The following SPHKAP variants were observed in gnomAD, a reference collection of about 807,000 sequenced individuals.
The protein encoded by SPHKAP is A-kinase anchor protein SPHKAP.
In SPHKAP, 67 loss-of-function variants were observed where a neutral mutation model predicts 137.5. The observed-to-expected ratio is 0.49, with a 90% CI of 0.40 to 0.60. The LOEUF is 0.60. Among genes scored for constraint, SPHKAP ranks in the 20% least tolerant of loss-of-function variants. The probability of loss-of-function intolerance (pLI) is 0.00; values close to 1 mark genes in which losing one functional copy is unlikely to be tolerated. For missense variants in SPHKAP, 2,097 were observed against 2,069.3 expected (o/e 1.01, Z -0.26); for synonymous variants, 813 against 785.3 (o/e 1.04, Z -0.59).
chr2:228,048,998 G>C (rs558338675), intron 3 of SPHKAP, among the ~76,000 whole-genome samples: 1 of 152,208 alleles, frequency 6.6e-6, no homozygotes, highest in African/African-American at 2.4e-5. Context: ...ACCTAGACCG[G>C]GAAAGGGAGT....
chr2:228,055,194 A>G (rs1696396664), intron 3 of SPHKAP, among the ~76,000 whole-genome samples: 1 of 151,746 alleles, frequency 6.6e-6, no homozygotes, highest in Non-Finnish European at 1.5e-5. Context: ...AGGGACAGAT[A>G]GAAGATGATT....
At chr2:228,038,026 C>A (rs1460909001) in intron 3 of SPHKAP, among the ~76,000 whole-genome samples, 2 of 152,108 alleles carry the variant, frequency 1.3e-5, no homozygotes, top group Non-Finnish European at 2.9e-5. Flanking sequence ...GAGTGGTGAG[C>A]CTGGATTAGG....
intron 3 of SPHKAP, among the ~76,000 whole-genome samples, chr2:228,107,506 G>A (rs1328759383): frequency 6.6e-6 from 1 of 152,178 alleles, no homozygotes; most frequent in Non-Finnish European, 1.5e-5. Context: ...TTTAAAGTTA[G>A]CATTCTCATT....
chr2:228,099,744 C>G (rs572337520), intron 3 of SPHKAP, among the ~76,000 whole-genome samples: 1 of 151,826 alleles, frequency 6.6e-6, no homozygotes, highest in African/African-American at 2.4e-5. Context: ...TCTTTCACCT[C>G]TTTGGTTAGA....
At chr2:227,999,600 T>C (rs981184177) in intron 7 of SPHKAP, among the ~76,000 whole-genome samples, 2 of 152,216 alleles carry the variant, frequency 1.3e-5, no homozygotes, top group Admixed American at 1.3e-4. Context: ...TCTCAGTGAT[T>C]GACATCCAAC....
chr2:228,119,456 T>TACACACACACACACACAC (rs55846474), intron 2 of SPHKAP, among the ~76,000 whole-genome samples: 10,075 of 136,504 alleles, frequency 0.074, 574 homozygotes, highest in East Asian at 0.23. Context: ...AAGCCTAGTA[T>TACACACACACACACACAC]ACACACACAC....
intron 3 of SPHKAP, among the ~76,000 whole-genome samples, chr2:228,089,699 A>C (rs1320063553): frequency 6.6e-6 from 1 of 152,184 alleles, no homozygotes; most frequent in Non-Finnish European, 1.5e-5. Context: ...TCAGCCTTAG[A>C]ATACTGCTCC....
At chr2:228,160,671 G>A (rs1395938925) in intron 1 of SPHKAP, among the ~76,000 whole-genome samples, 1 of 152,078 alleles carries the variant, frequency 6.6e-6, no homozygotes, top group Admixed American at 6.5e-5. Flanking sequence ...ATTTGGGTGG[G>A]GACACAGCTA....
At chr2:228,031,824 C>A (rs1695337467) in intron 3 of SPHKAP, among the ~76,000 whole-genome samples, 1 of 152,238 alleles carries the variant, frequency 6.6e-6, no homozygotes, top group Admixed American at 6.5e-5. Context: ...GCTGAGGGTC[C>A]TGTCTGCTAG....
In SPHKAP at chr2:227,991,144, C is replaced by T. The variant is rs1209272190; in HGVS notation, c.4815G>A (p.Gln1605=). ...SGPPTGTASP[Q]RSLLVINFDL... is the part of the protein sequence containing the mutation. ...CAAAGTTGATCACCAGCAGGCTCCTCTGGGGGCTGGCTGTTCCCGTAGGCG... is the reference window on the plus strand; with the variant it reads ...CAAAGTTGATCACCAGCAGGCTCCTTTGGGGGCTGGCTGTTCCCGTAGGCG... The change falls in exon 11 of 12, where the codon CAG becomes CAA. Residue 1605 remains glutamine (Q), a synonymous_variant. Transcript: ENST00000392056. 11 of 1,614,122 alleles carry T rather than the reference C, an allele frequency of 6.8e-6. No homozygotes were observed. Among genetic ancestry groups the T allele is most frequent in the Non-Finnish European group, 8.5e-6 (10 of 1,180,020 alleles).
intron 3 of SPHKAP, among the ~76,000 whole-genome samples, chr2:228,032,753 C>G (rs1392385565): frequency 6.6e-6 from 1 of 152,108 alleles, no homozygotes; most frequent in African/African-American, 2.4e-5. Flanking sequence ...ATTTTCAACC[C>G]AGAATTTCAT....
chr2:228,107,150 C>T (rs1482184707), intron 3 of SPHKAP, among the ~76,000 whole-genome samples: 1 of 151,856 alleles, frequency 6.6e-6, no homozygotes, highest in Non-Finnish European at 1.5e-5. Context: ...TACTAGTTAT[C>T]GTCACCATGT....
chr2:228,098,744 CTAAACCT>C (rs1698087885), intron 3 of SPHKAP, among the ~76,000 whole-genome samples: 1 of 134,174 alleles, frequency 7.5e-6, no homozygotes, highest in Non-Finnish European at 1.6e-5. Flanking sequence ...CACATGTACC[CTAAACCT>C]TAAAGTATAA....
intron 3 of SPHKAP, among the ~76,000 whole-genome samples, chr2:228,077,956 C>T (rs1209291530): frequency 1.3e-5 from 2 of 152,112 alleles, no homozygotes; most frequent in Non-Finnish European, 2.9e-5. Flanking sequence ...GTTCTCATGT[C>T]AGTGAATGAG....
intron 3 of SPHKAP, among the ~76,000 whole-genome samples, chr2:228,073,047 T>C (rs1034994165): frequency 2.6e-5 from 4 of 152,240 alleles, no homozygotes; most frequent in African/African-American, 9.6e-5. Context: ...TAATTTGTTG[T>C]TCAGCCATAC....
intron 3 of SPHKAP, among the ~76,000 whole-genome samples, chr2:228,085,099 C>T (rs1297795842): frequency 1.3e-5 from 2 of 152,190 alleles, no homozygotes; most frequent in East Asian, 3.8e-4. Flanking sequence ...AAAAATCATG[C>T]TGTTCTCATT....
chr2:228,148,203 T>C (rs943970244), intron 1 of SPHKAP, among the ~76,000 whole-genome samples: 1 of 152,168 alleles, frequency 6.6e-6, no homozygotes, highest in Non-Finnish European at 1.5e-5. Context: ...CACCAGGTTG[T>C]ATGGCTACTC....
At chr2:228,160,543 C>G (rs983678582) in intron 1 of SPHKAP, among the ~76,000 whole-genome samples, 15 of 152,164 alleles carry the variant, frequency 9.9e-5, no homozygotes, top group Admixed American at 9.2e-4. Flanking sequence ...CTTGTGAGAA[C>G]TCACTCACTA....
At chr2:228,056,085 A>G (rs1696431613) in intron 3 of SPHKAP, among the ~76,000 whole-genome samples, 2 of 152,228 alleles carry the variant, frequency 1.3e-5, no homozygotes, top group African/African-American at 2.4e-5. Flanking sequence ...CTTAAGTGCT[A>G]TGCCCTCAAA....
Sources: gnomAD v4.1 joint callset for allele counts (sites outside exome capture counted in the v4.1 genomes callset) on GRCh38, gnomAD v4.1.1 for gene constraint, MANE v1.5 for transcripts, NCBI Gene and HGNC (gene_info 2026-07-23, HGNC 2026-07-21) for gene names.